The following SAXO1 variants were observed in gnomAD, a reference collection of about 807,000 sequenced individuals.
SAXO1 encodes 4930500O09Rik.
Under a neutral mutation model 17.5 loss-of-function variants are expected in SAXO1, and 21 were observed. That is an observed-to-expected ratio of 1.20 (90% confidence interval 0.85 to 1.72). The LOEUF (loss-of-function observed/expected upper bound fraction) is 1.72, where lower values mean the gene tolerates loss of function less well. Ranked by LOEUF, SAXO1 falls within the 40% of genes most tolerant of loss-of-function variation. The pLI, the probability that SAXO1 is intolerant of heterozygous loss-of-function variation, is 0.00. For synonymous variants in SAXO1, 274 were observed against 216.5 expected (o/e 1.27, Z -2.33); for missense variants, 843 against 596.0 (o/e 1.41, Z -4.32).
At chr9:18,977,390 T>C (rs1833193163) in intron 1 of SAXO1, among the ~76,000 whole-genome samples, 1 of 152,216 alleles carries the variant, frequency 6.6e-6, no homozygotes, top group Non-Finnish European at 1.5e-5. Flanking sequence ...TTGTGCTTAT[T>C]AACTTATTTC....
At chr9:18,965,520 T>A (rs961867861) in intron 1 of SAXO1, among the ~76,000 whole-genome samples, 2 of 152,198 alleles carry the variant, frequency 1.3e-5, no homozygotes, top group East Asian at 3.8e-4. Context: ...TTGTCTTATT[T>A]GATCTTTGTT....
At chr9:18,944,857 AC>A (rs943154983) in intron 2 of SAXO1, among the ~76,000 whole-genome samples, 1 of 152,202 alleles carries the variant, frequency 6.6e-6, no homozygotes, top group African/African-American at 2.4e-5. Flanking sequence ...CTTTTTTTAA[AC>A]CTGTTTTTAA....
intron 1 of SAXO1, among the ~76,000 whole-genome samples, chr9:18,993,644 C>T (rs1322087859): frequency 1.3e-5 from 2 of 152,142 alleles, no homozygotes; most frequent in Non-Finnish European, 2.9e-5. Flanking sequence ...CAAGAGAGAA[C>T]AGGCTCTGCT....
At chr9:18,962,462 G>A (rs1479320047) in intron 1 of SAXO1, among the ~76,000 whole-genome samples, 2 of 152,204 alleles carry the variant, frequency 1.3e-5, no homozygotes, top group Admixed American at 6.5e-5. Flanking sequence ...AGAAGTGTCT[G>A]TTCACATCAT....
At chr9:19,002,518 C>T (rs140976896) in intron 1 of SAXO1, among the ~76,000 whole-genome samples, 128 of 152,322 alleles carry the variant, frequency 8.4e-4, no homozygotes, top group African/African-American at 2.9e-3. Flanking sequence ...AAACCAAATC[C>T]AGCAGCACAT....
intron 2 of SAXO1, among the ~76,000 whole-genome samples, chr9:18,947,213 G>C (rs969708645): frequency 1.3e-5 from 2 of 152,300 alleles, no homozygotes; most frequent in South Asian, 4.1e-4. Flanking sequence ...AGAGAGTCAG[G>C]TGTCTCTTTG....
Position 19,010,597 on chromosome 9 carries a change from T to G in SAXO1, c.38+22274A>C, listed in dbSNP as rs188408968. Among the ~76,000 whole-genome samples the G allele has an allele frequency of 9.5e-4, 144 of 152,288 alleles. 1 individual carries two copies. The highest frequency in any genetic ancestry group is 3.3e-3 in the African/African-American group (138 of 41,550). ...CAAAGCCCTTTCTTGTTAGTCCTGG[T>G]AAAGGCCCTTCTGTACTCTTTACTT... is the stretch of plus-strand genomic sequence containing the variant. On this transcript the variant is annotated intron_variant, in intron 1 of 3. Coordinates refer to ENST00000380534, the MANE Select transcript of SAXO1 (RefSeq NM_153707.4).
chr9:18,930,923 G>T (rs956997607), intron 3 of SAXO1, among the ~76,000 whole-genome samples: 1 of 152,166 alleles, frequency 6.6e-6, no homozygotes, highest in African/African-American at 2.4e-5. Context: ...GAATTCTCTT[G>T]CTTACTGCTG....
chr9:18,967,636 G>A (rs1240386750), intron 1 of SAXO1, among the ~76,000 whole-genome samples: 3 of 152,220 alleles, frequency 2.0e-5, no homozygotes, highest in Non-Finnish European at 1.5e-5. Flanking sequence ...AGACTGCTGT[G>A]CTGGCAGCAA....
chr9:19,007,149 C>G (rs1221383486), intron 1 of SAXO1, among the ~76,000 whole-genome samples: 1 of 151,882 alleles, frequency 6.6e-6, no homozygotes, highest in Non-Finnish European at 1.5e-5. Flanking sequence ...GAGATCGAGA[C>G]CATCCTGGCC....
chr9:19,030,504 T>A (rs1179609914), intron 1 of SAXO1, among the ~76,000 whole-genome samples: 1 of 151,890 alleles, frequency 6.6e-6, no homozygotes, highest in Non-Finnish European at 1.5e-5. Flanking sequence ...GTCAGGAGTT[T>A]AAGACCAGCT....
At chr9:18,938,852 GTA>G (rs1554667833) in intron 3 of SAXO1, among the ~76,000 whole-genome samples, 5 of 149,858 alleles carry the variant, frequency 3.3e-5, no homozygotes, top group Admixed American at 6.6e-5. Flanking sequence ...GTGTGTGTGT[GTA>G]TGTGTGTGTG....
At chr9:18,952,754 A>C (rs1343847562) in intron 1 of SAXO1, among the ~76,000 whole-genome samples, 2 of 152,242 alleles carry the variant, frequency 1.3e-5, no homozygotes. Flanking sequence ...CTGTCCTTAT[A>C]GTATAAATAT....
intron 1 of SAXO1, among the ~76,000 whole-genome samples, chr9:19,031,009 C>G (rs371385571): frequency 6.6e-6 from 1 of 152,198 alleles, no homozygotes; most frequent in Non-Finnish European, 1.5e-5. Flanking sequence ...GACACAAGAA[C>G]AGACTCTGCT....
At chr9:18,941,900 T>C (rs1831581069) in intron 2 of SAXO1, 61 bp from the exon 3 acceptor site, 10 of 1,491,002 alleles carry the variant, frequency 6.7e-6, no homozygotes, top group Non-Finnish European at 9.3e-6. Context: ...TTATGTTTTC[T>C]GCTCAACCCA....
intron 1 of SAXO1, among the ~76,000 whole-genome samples, chr9:18,977,833 AAAAAT>A (rs1833210313): frequency 6.6e-6 from 1 of 151,916 alleles, no homozygotes. Flanking sequence ...GTCTCTACCA[AAAAAT>A]ACAAAAATTT....
chr9:19,033,685 G>A (rs1835861778), upstream of SAXO1, among the ~76,000 whole-genome samples: 1 of 152,220 alleles, frequency 6.6e-6, no homozygotes, highest in Non-Finnish European at 1.5e-5. Context: ...TCACTGCTCA[G>A]GTGGGTTCTC....
At chr9:18,988,100 A>G (rs1833667989) in intron 1 of SAXO1, among the ~76,000 whole-genome samples, 1 of 152,206 alleles carries the variant, frequency 6.6e-6, no homozygotes, top group African/African-American at 2.4e-5. Context: ...CAGAGAAAAC[A>G]GCAGGCCCTT....
chr9:18,964,946 G>C (rs940051642), intron 1 of SAXO1, among the ~76,000 whole-genome samples: 2 of 152,156 alleles, frequency 1.3e-5, no homozygotes, highest in Non-Finnish European at 2.9e-5. Context: ...AGAGATTCTG[G>C]TGCATTGTCT....
Sources: allele counts gnomAD v4.1 joint callset (sites outside exome capture counted in the v4.1 genomes callset), GRCh38; gene constraint gnomAD v4.1.1; transcripts MANE v1.5; gene names NCBI Gene and HGNC (gene_info 2026-07-23, HGNC 2026-07-21).